Variants in SLC12A4 observed in about 807,000 individuals in gnomAD.
SLC12A4 encodes the protein electroneutral potassium-chloride cotransporter 1.
A neutral mutation model predicts 119.2 loss-of-function variants in SLC12A4; 84 were observed. The ratio of observed to expected loss-of-function variants is 0.70; its 90% CI spans 0.59 to 0.85. The LOEUF is 0.85. Ranked by LOEUF, SLC12A4 falls within the 40% of genes least tolerant of loss-of-function variation. SLC12A4 has a pLI of 0.00. For synonymous variants in SLC12A4, 599 were observed against 604.6 expected, an observed-to-expected ratio of 0.99 and a Z score of 0.14; for missense variants, 1,298 against 1,476.3, an observed-to-expected ratio of 0.88 and a Z score of 1.98.
chr16:67,954,768 C>G lies in SLC12A4; in HGVS notation c.550G>C (p.Gly184Arg), dbSNP rs751374765. The G allele has an allele frequency of 6.2e-7, 1 of 1,614,128 alleles. No individual in the cohort carries two copies. The stretch of plus-strand genomic sequence containing the variant: ...GAACGAGAGATCATGAAATAGGAGC[C>G]CCCAGCTACAGCAGAGAAATGAAAG... ...IATNGVVPAG[G>R]SYFMISRSLG... The change falls in exon 6 of 24, where the codon GGC becomes CGC. Residue 184 changes from glycine (G) to arginine (R), a missense_variant. Gly to Arg is a moderately radical substitution (Grantham distance 125). Coordinates refer to ENST00000316341, the MANE Select transcript of SLC12A4 (RefSeq NM_005072.5).
chr16:67,968,332 A>C, intron 1 of SLC12A4, 107 bp downstream of exon 1: 1 of 989,920 alleles, frequency 1.0e-6, no homozygotes, highest in South Asian at 1.9e-5. Flanking sequence ...GTCCGCACCG[A>C]CGTGTGCGCG....
chr16:67,943,752 G>A lies in SLC12A4; in HGVS notation c.*1088C>T. The A allele has an allele frequency of 1.7e-6, 1 of 604,112 alleles. No homozygotes were observed. The highest frequency in any genetic ancestry group is 2.3e-5 in the South Asian group (1 of 43,414). 37.4% of individuals were successfully genotyped at this position (604,112 alleles called of 1,614,324 possible). Reference sequence around the variant, plus strand: ...TCCGCCCCCCCTGGGTTAGACAACTGAGAGTCACAGTGTGGTGGGAGAAGG... The same window carrying A: ...TCCGCCCCCCCTGGGTTAGACAACTAAGAGTCACAGTGTGGTGGGAGAAGG... On this transcript the variant is annotated 3_prime_UTR_variant, in exon 24 of 24. Coordinates refer to ENST00000316341, the MANE Select transcript of SLC12A4 (RefSeq NM_005072.5). The surrounding 1 kb of genome is among the most constrained non-coding windows in gnomAD (Gnocchi z 4.6).
rs763351123 is a variant in SLC12A4, at chr16:67,950,922, C to T, written c.1396+40G>A. 2.3e-5 allele frequency: 37 copies of T among 1,599,994 alleles called. No individual in the cohort carries two copies. Among genetic ancestry groups the T allele is most frequent in the South Asian group, 1.5e-4 (14 of 90,570 alleles). On this transcript the variant is annotated intron_variant, in intron 10 of 23. Transcript: ENST00000316341. This position sits in a 1 kb window ranked among gnomAD's most constrained non-coding sequence, Gnocchi z 4.3. ...CAACGTACACAGGCCAAGCGCTTCC[C>T]GTCCTCTGCCCCACCTGCCCCAGGC...
chr16:67,964,060 T>G, intron 1 of SLC12A4: 1 of 1,548,290 alleles, frequency 6.5e-7, no homozygotes, highest in Non-Finnish European at 8.7e-7. Flanking sequence ...TACCCCACCA[T>G]GCACTGCGCG....
At position 67,949,902 on chromosome 16, in the gene SLC12A4, T is replaced by G; in HGVS notation, c.1646A>C (p.Lys549Thr). The change falls in exon 13 of 24, where the codon AAG (lysine) becomes ACG (threonine). Residue 549 changes from lysine (K) to threonine (T), a missense_variant. Transcript: ENST00000316341. This position sits in a 1 kb window ranked among gnomAD's most constrained non-coding sequence, Gnocchi z 4.6. ...IPFLRVFGHG[K>T]VNGEPTWALL... The stretch of plus-strand genomic sequence containing the variant: ...TGCCCATGTGGGTTCACCATTCACC[T>G]TCCCGTGGCCAAACACCTGTGTGCA... 1 of 1,611,962 alleles carries G rather than the reference T, an allele frequency of 6.2e-7. No individual in the cohort carries two copies. Among genetic ancestry groups the G allele is most frequent in the Non-Finnish European group, 8.5e-7 (1 of 1,178,952 alleles).
In SLC12A4 at chr16:67,943,575, T is replaced by C; in HGVS notation, c.*1265A>G. The C allele has an allele frequency of 2.0e-6, 1 of 497,912 alleles. No homozygotes were observed. The highest frequency in any genetic ancestry group is 3.7e-6 in the Non-Finnish European group (1 of 272,266). 30.8% of individuals were successfully genotyped at this position (497,912 alleles called of 1,614,324 possible). A position where few individuals can be genotyped will look rare whatever the true frequency, so the allele number is the denominator to read the frequency against. Reference sequence around the variant, plus strand: ...TAGGGGCCGGGCATGGATGGGCCTCTCCTGCTCACCGATCCTGGGCTGGGC... The same window carrying C: ...TAGGGGCCGGGCATGGATGGGCCTCCCCTGCTCACCGATCCTGGGCTGGGC... On this transcript the variant is annotated 3_prime_UTR_variant, in exon 24 of 24. Transcript: ENST00000316341. This position sits in a 1 kb window ranked among gnomAD's most constrained non-coding sequence, Gnocchi z 4.6.
At chr16:67,954,921 G>C (rs1293125605) in intron 5 of SLC12A4, 148 bp from the exon 6 acceptor site, 4 of 854,226 alleles carry the variant, frequency 4.7e-6, no homozygotes, top group Non-Finnish European at 7.2e-6. Flanking sequence ...ACCTACCCAG[G>C]GCTGCACGGT....
chr16:67,966,926 C>T (rs1387291999), intron 1 of SLC12A4: 2 of 1,436,778 alleles, frequency 1.4e-6, no homozygotes, highest in Non-Finnish European at 1.8e-6. Flanking sequence ...GGGGCCAAGG[C>T]GTGGCCAAGG....
chr16:67,968,472 A>T lies in SLC12A4; in HGVS notation c.82T>A (p.Tyr28Asn). ...TCATCCAGCTCGGCGCGCTCCCCGT[A>T]GTCCACCCAACTGAGCCCCTCGAGG... ...DNLEGLSWVD[Y>N]GERAELDDSD... The change falls in exon 1 of 24, where the codon TAC becomes AAC. Residue 28 changes from tyrosine (Y) to asparagine (N), a missense_variant. Tyr to Asn is a moderately radical substitution (Grantham distance 143). Transcript: ENST00000316341. 6.3e-7 allele frequency: 1 copy of T among 1,584,334 alleles called. No homozygotes were observed. The highest frequency in any genetic ancestry group is 8.5e-7 in the Non-Finnish European group (1 of 1,169,806).
At chr16:67,948,803 A>AGTGTGGCAC (rs2058381121) in intron 13 of SLC12A4, among the ~76,000 whole-genome samples, 2 of 151,998 alleles carry the variant, frequency 1.3e-5, no homozygotes, top group Non-Finnish European at 2.9e-5. Context: ...GGCTGTGGCA[A>AGTGTGGCAC]AACAGTTTCA....
In SLC12A4 at chr16:67,949,938, A is replaced by G. The variant is rs2058394778; in HGVS notation, c.1630-20T>C. The G allele has an allele frequency of 6.3e-7, 1 of 1,576,420 alleles. No individual in the cohort carries two copies. Among genetic ancestry groups the G allele is most frequent in the Non-Finnish European group, 8.7e-7 (1 of 1,146,742 alleles). On this transcript the variant is annotated intron_variant, in intron 12 of 23. Transcript: ENST00000316341. This position sits in a 1 kb window ranked among gnomAD's most constrained non-coding sequence, Gnocchi z 4.6. Reference sequence around the variant, plus strand: ...AAACACCTGTGTGCACCAGGAAGGAAGCTGGGTCCTGTCACCCCCATTCCA... The same window carrying G: ...AAACACCTGTGTGCACCAGGAAGGAGGCTGGGTCCTGTCACCCCCATTCCA...
Position 67,951,843 on chromosome 16 carries a change from G to T in SLC12A4, c.1112C>A (p.Ala371Glu). The T allele has an allele frequency of 6.2e-7, 1 of 1,613,138 alleles. No individual in the cohort carries two copies. Among genetic ancestry groups the T allele is most frequent in the Non-Finnish European group, 8.5e-7 (1 of 1,179,764 alleles). ...NVTEIPGIPG[A>E]AAGVLQENLW... The stretch of plus-strand genomic sequence containing the variant: ...CCCACCCTGGAGCACACCAGCAGCT[G>T]CCCCGGGGATGCCAGGGATCTCGGT... Residue 371 changes from alanine (A) to glutamate (E), a missense_variant, in exon 8 of 24, where the codon GCA becomes GAA. By Grantham distance (107) the Ala-to-Glu change is moderately radical. Transcript: ENST00000316341. This position sits in a 1 kb window ranked among gnomAD's most constrained non-coding sequence, Gnocchi z 5.2.
chr16:67,956,171 A>AAAAT (rs768198482), intron 5 of SLC12A4, among the ~76,000 whole-genome samples: 25 of 151,814 alleles, frequency 1.6e-4, no homozygotes, highest in Admixed American at 2.6e-4. Context: ...ACTCCGTCTC[A>AAAAT]AAATAAATAA....
At chr16:67,964,048 G>T in intron 1 of SLC12A4, 6 of 1,550,328 alleles carry the variant, frequency 3.9e-6, no homozygotes, top group Non-Finnish European at 5.2e-6. Flanking sequence ...TGGCCGGCTG[G>T]CTACCCCACC....
At position 67,950,993 on chromosome 16, in the gene SLC12A4, G is replaced by A. The variant is rs759081487; in HGVS notation, c.1365C>T (p.Thr455=). ...RDAQKSIPVG[T]ILAIITTSLV... ...GGGAAGTTGTAATGATGGCCAGAAT[G>A]GTCCCCACAGGGATAGACTTCTGGG... Residue 455 remains threonine (T), a synonymous_variant, in exon 10 of 24, where the codon ACC becomes ACT. Coordinates refer to ENST00000316341, the MANE Select transcript of SLC12A4 (RefSeq NM_005072.5). The surrounding 1 kb of genome is among the most constrained non-coding windows in gnomAD (Gnocchi z 4.3). The A allele has an allele frequency of 1.2e-6, 2 of 1,613,924 alleles. No homozygotes were observed. Among genetic ancestry groups the A allele is most frequent in the Non-Finnish European group, 1.7e-6 (2 of 1,180,018 alleles).
Position 67,944,597 on chromosome 16 carries a change from C to T in SLC12A4, c.*243G>A. On this transcript the variant is annotated 3_prime_UTR_variant, in exon 24 of 24. Transcript: ENST00000316341. The surrounding 1 kb of genome is among the most constrained non-coding windows in gnomAD (Gnocchi z 6.6). ...CCCTACCAGTCTTCTCTGGCCAGGA[C>T]AGGCCTACTGGGGTGCTAGATAGTA... 2 of 1,370,752 alleles carry T rather than the reference C, an allele frequency of 1.5e-6. No homozygotes were observed. Among genetic ancestry groups the T allele is most frequent in the Non-Finnish European group, 1.9e-6 (2 of 1,063,820 alleles). The allele number at this position is 1,370,752 out of a possible 1,614,324, so 84.9% of individuals were successfully genotyped here.
At position 67,944,244 on chromosome 16, in the gene SLC12A4, C is replaced by T; in HGVS notation, c.*596G>A. Reference sequence around the variant, plus strand: ...CAGAGATTGCCGGAAAGGGGCACAGCCTCAGGGAGCCGGCTCTGGGCCTGG... The same window carrying T: ...CAGAGATTGCCGGAAAGGGGCACAGTCTCAGGGAGCCGGCTCTGGGCCTGG... On this transcript the variant is annotated 3_prime_UTR_variant, in exon 24 of 24. Coordinates refer to ENST00000316341, the MANE Select transcript of SLC12A4 (RefSeq NM_005072.5). The surrounding 1 kb of genome is among the most constrained non-coding windows in gnomAD (Gnocchi z 6.6). 2 of 1,432,818 alleles carry T rather than the reference C, an allele frequency of 1.4e-6. No homozygotes were observed. The highest frequency in any genetic ancestry group is 1.5e-5 in the South Asian group (1 of 67,980). The allele number at this position is 1,432,818 out of a possible 1,614,324, so 88.8% of individuals were successfully genotyped here. A position where few individuals can be genotyped will look rare whatever the true frequency, so the allele number is the denominator to read the frequency against.
Position 67,950,872 on chromosome 16 carries a change from T to TG in SLC12A4, c.1396+89dup, listed in dbSNP as rs2151328631. On this transcript the variant is annotated intron_variant, in intron 10 of 23. Transcript: ENST00000316341. The surrounding 1 kb of genome is among the most constrained non-coding windows in gnomAD (Gnocchi z 4.3). ...AGAAGGGGAGCTATATATGAGTGTGTGGGGTGTCTGTGCATGTGACCTGGC... is the reference window on the plus strand; with the variant it reads ...AGAAGGGGAGCTATATATGAGTGTGTGGGGGTGTCTGTGCATGTGACCTGGC... 3 of 1,452,040 alleles carry TG rather than the reference T, an allele frequency of 2.1e-6. No individual in the cohort carries two copies. The highest frequency in any genetic ancestry group is 1.9e-6 in the Non-Finnish European group (2 of 1,041,586). The allele number at this position is 1,452,040 out of a possible 1,614,324, so 89.9% of individuals were successfully genotyped here.
At position 67,950,572 on chromosome 16, in the gene SLC12A4, G is replaced by C; in HGVS notation, c.1455-79C>G. ...CCACCAAAGGCAGCCAGCAGGCTTA[G>C]GACCACCCACGGGGTTGGGAGCTGG... is the stretch of plus-strand genomic sequence containing the variant. On this transcript the variant is annotated intron_variant, in intron 11 of 23. Transcript: ENST00000316341. This position sits in a 1 kb window ranked among gnomAD's most constrained non-coding sequence, Gnocchi z 4.3. The C allele has an allele frequency of 6.2e-7, 1 of 1,608,708 alleles. No individual in the cohort carries two copies. The highest frequency in any genetic ancestry group is 8.5e-7 in the Non-Finnish European group (1 of 1,176,792).
Sources: allele counts gnomAD v4.1 joint callset (sites outside exome capture counted in the v4.1 genomes callset), GRCh38; gene constraint gnomAD v4.1.1; non-coding constraint Gnocchi (gnomAD v3.1); transcripts MANE v1.5; gene names NCBI Gene and HGNC (gene_info 2026-07-23, HGNC 2026-07-21).